STK24: variants seen among roughly 807,000 people sequenced by gnomAD.
STK24 encodes the protein serine/threonine kinase 24, also known as serine/threonine-protein kinase 24.
In STK24, 21 loss-of-function variants were observed where a neutral mutation model predicts 55.6. The ratio of observed to expected loss-of-function variants is 0.38; its 90% CI spans 0.27 to 0.54. STK24 has a LOEUF of 0.54. STK24 is among the 20% of genes least tolerant of loss of function. The pLI is 0.79. For missense variants in STK24, 383 were observed against 538.4 expected, an observed-to-expected ratio of 0.71 and a Z score of 2.86; for synonymous variants, 200 against 215.2, an observed-to-expected ratio of 0.93 and a Z score of 0.62.
intron 9 of STK24, among the ~76,000 whole-genome samples, chr13:98,459,751 G>C (rs2139249761): frequency 6.6e-6 from 1 of 152,370 alleles, no homozygotes; most frequent in South Asian, 2.1e-4. Context: ...CCAGGAAGGG[G>C]CACAACAAGA....
intron 2 of STK24, among the ~76,000 whole-genome samples, chr13:98,508,549 T>C (rs972176334): frequency 7.2e-5 from 11 of 152,130 alleles, no homozygotes; most frequent in African/African-American, 2.7e-4. Flanking sequence ...AGAATTTCTG[T>C]TGGGACAGAA....
chr13:98,528,800 G>A (rs1301962806), intron 1 of STK24, among the ~76,000 whole-genome samples: 1 of 152,048 alleles, frequency 6.6e-6, no homozygotes, highest in African/African-American at 2.4e-5. Flanking sequence ...GCTTCTCTAC[G>A]CTTTTCCATG....
intron 1 of STK24, among the ~76,000 whole-genome samples, chr13:98,547,905 CCA>C (rs1326720028): frequency 6.6e-6 from 1 of 152,204 alleles, no homozygotes; most frequent in Non-Finnish European, 1.5e-5. Context: ...TAGTTCTTAT[CCA>C]CACAGAGCAA....
chr13:98,555,031 A>G (rs9513444), intron 1 of STK24, among the ~76,000 whole-genome samples: 36 of 143,578 alleles, frequency 2.5e-4, no homozygotes, highest in African/African-American at 3.9e-4. Context: ...AAAAAAAAAA[A>G]AAAGAAAGAA....
chr13:98,511,641 G>A lies in STK24; in HGVS notation c.273+7602C>T, dbSNP rs558460662. Among the ~76,000 whole-genome samples the A allele has an allele frequency of 3.9e-5, 6 of 152,296 alleles. No homozygotes were observed. In the South Asian group the frequency reaches 6.2e-4, roughly 16 times the overall value. ...AAACAAGTGACACATGCATGAACAC[G>A]GAAGGATTCCTCAGGCATGACAATA... is the stretch of plus-strand genomic sequence containing the variant. On this transcript the variant is annotated intron_variant, in intron 2 of 10. Transcript: ENST00000539966.
chr13:98,465,261 C>T (rs1448814638), intron 6 of STK24, among the ~76,000 whole-genome samples: 1 of 152,240 alleles, frequency 6.6e-6, no homozygotes, highest in Non-Finnish European at 1.5e-5. Flanking sequence ...CGTGGATCAC[C>T]TCAAGTATTC....
At chr13:98,530,652 C>G (rs1192587939) in intron 1 of STK24, among the ~76,000 whole-genome samples, 5 of 152,138 alleles carry the variant, frequency 3.3e-5, no homozygotes, top group Admixed American at 2.0e-4. Context: ...AACCCAAAGC[C>G]CTGGAATGAA....
rs8481 is a variant in STK24 at position 98,453,141 on chromosome 13, G to A, written c.*32C>T. On this transcript the variant is annotated 3_prime_UTR_variant, in exon 11 of 11. Coordinates refer to ENST00000539966, the MANE Select transcript of STK24 (RefSeq NM_001032296.4). ...AGGAGGAGGATGAAGAAGGAAAAAA[G>A]GAAAAACAAAACCCCAAATGCCAAA... is the stretch of plus-strand genomic sequence containing the variant. 0.28 allele frequency: 443,956 copies of A among 1,610,474 alleles called. 62,742 individuals are homozygous for A. Among genetic ancestry groups the A allele is most frequent in the Non-Finnish European group, 0.29 (345,166 of 1,177,576 alleles).
At chr13:98,533,612 T>A (rs1055457586) in intron 1 of STK24, among the ~76,000 whole-genome samples, 4 of 152,056 alleles carry the variant, frequency 2.6e-5, no homozygotes, top group Non-Finnish European at 5.9e-5. Context: ...ATTGAGCCAC[T>A]GCACTCCAGC....
At chr13:98,576,471 G>A (rs1421703365) in intron 1 of STK24, among the ~76,000 whole-genome samples, 1 of 152,054 alleles carries the variant, frequency 6.6e-6, no homozygotes, top group Non-Finnish European at 1.5e-5. Flanking sequence ...GGGGCGAGGG[G>A]AGCGCGGAGG....
At chr13:98,482,665 G>A (rs1269406655) in intron 2 of STK24, among the ~76,000 whole-genome samples, 1 of 152,230 alleles carries the variant, frequency 6.6e-6, no homozygotes, top group Non-Finnish European at 1.5e-5. Context: ...GGCACAGTGA[G>A]AGCTGAGAAC....
chr13:98,481,809 G>A (rs1461260985), intron 3 of STK24, among the ~76,000 whole-genome samples: 1 of 152,166 alleles, frequency 6.6e-6, no homozygotes, highest in African/African-American at 2.4e-5. Flanking sequence ...AGCACTTTGG[G>A]AGGCTGAGAG....
At chr13:98,542,717 T>C (rs996378002) in intron 1 of STK24, 5 of 503,988 alleles carry the variant, frequency 9.9e-6, no homozygotes, top group Non-Finnish European at 1.3e-5. Flanking sequence ...CCCTTGTTCC[T>C]GGAGTGAAAG....
At chr13:98,501,514 G>C (rs181193393) in intron 2 of STK24, among the ~76,000 whole-genome samples, 87 of 152,288 alleles carry the variant, frequency 5.7e-4, no homozygotes, top group Admixed American at 4.4e-3. Flanking sequence ...CCCAGTTTAA[G>C]AGCAGAAAAC....
intron 2 of STK24, among the ~76,000 whole-genome samples, chr13:98,493,830 A>C (rs894507038): frequency 6.8e-6 from 1 of 147,074 alleles, no homozygotes; most frequent in African/African-American, 2.7e-5. Flanking sequence ...GGTATTCTGC[A>C]AAAAAAAAAT....
At chr13:98,475,628 C>T (rs191836175) in intron 3 of STK24, among the ~76,000 whole-genome samples, 53 of 152,314 alleles carry the variant, frequency 3.5e-4, no homozygotes, top group Non-Finnish European at 5.6e-4. Flanking sequence ...GCCCCGCCTG[C>T]GCCTGCAGCT....
intron 4 of STK24, 110 bp downstream of exon 4, chr13:98,475,140 G>C: frequency 7.2e-7 from 1 of 1,397,152 alleles, no homozygotes; most frequent in Non-Finnish European, 9.7e-7. Flanking sequence ...GCCCAGGCAA[G>C]GCAAACGTGC....
chr13:98,486,215 A>G (rs576979435), intron 2 of STK24, among the ~76,000 whole-genome samples: 14 of 151,818 alleles, frequency 9.2e-5, no homozygotes, highest in Non-Finnish European at 1.3e-4. Flanking sequence ...AAAAAAAAAA[A>G]AAAGAAAGAA....
chr13:98,510,341 G>C (rs1895840538), intron 2 of STK24, among the ~76,000 whole-genome samples: 1 of 152,194 alleles, frequency 6.6e-6, no homozygotes, highest in African/African-American at 2.4e-5. Context: ...GTTCCCCTTA[G>C]GGAAGGGTCG....
Sources: gnomAD v4.1 joint callset for allele counts (sites outside exome capture counted in the v4.1 genomes callset) on GRCh38, gnomAD v4.1.1 for gene constraint, MANE v1.5 for transcripts, NCBI Gene and HGNC (gene_info 2026-07-23, HGNC 2026-07-21) for gene names.